Variants in PIK3R3 observed in about 807,000 individuals in gnomAD.
PIK3R3 encodes the protein phosphoinositide-3-kinase regulatory subunit 3, also known as phosphatidylinositol 3-kinase regulatory subunit gamma.
In PIK3R3, 64 loss-of-function variants were observed where a neutral mutation model predicts 62.9. The observed-to-expected ratio is 1.02, with a 90% CI of 0.83 to 1.25. The LOEUF (loss-of-function observed/expected upper bound fraction) is 1.25, where lower values mean the gene tolerates loss of function less well. Among genes scored for constraint, PIK3R3 ranks in the 50% most tolerant of loss-of-function variants. The pLI is 0.00. For synonymous variants in PIK3R3, 165 were observed against 189.0 expected, an observed-to-expected ratio of 0.87 and a Z score of 1.04; for missense variants, 614 against 561.6, an observed-to-expected ratio of 1.09 and a Z score of -0.94.
At chr1:46,071,726 T>TAG (rs1484218267) in intron 3 of PIK3R3, among the ~76,000 whole-genome samples, 1 of 43,712 alleles carries the variant, frequency 2.3e-5, no homozygotes, top group Non-Finnish European at 4.3e-5. Flanking sequence ...TATATATATA[T>TAG]ATATAGAGAG....
chr1:46,145,572 A>G, the PIK3R3 span, among the ~76,000 whole-genome samples: 2 of 152,042 alleles, frequency 1.3e-5, no homozygotes, highest in Non-Finnish European at 2.9e-5. Flanking sequence ...CTTTTAACTC[A>G]TCTATTCCCA....
At chr1:46,124,736 C>A (rs1654945393) in intron 1 of PIK3R3, among the ~76,000 whole-genome samples, 1 of 140,468 alleles carries the variant, frequency 7.1e-6, no homozygotes, top group Non-Finnish European at 1.5e-5. Flanking sequence ...GCGGAGGTTG[C>A]GGTGAGCCGA....
the PIK3R3 span, among the ~76,000 whole-genome samples, chr1:46,164,122 G>T: frequency 1.3e-5 from 2 of 152,168 alleles, no homozygotes; most frequent in South Asian, 2.1e-4. Flanking sequence ...TAACAGGTAG[G>T]AGGATTACAG....
intron 1 of PIK3R3, among the ~76,000 whole-genome samples, chr1:46,117,558 C>A (rs915913032): frequency 6.6e-6 from 1 of 152,116 alleles, no homozygotes; most frequent in African/African-American, 2.4e-5. Context: ...AACTGGATGT[C>A]AGAGATCTGA....
At chr1:46,166,704 G>A in the PIK3R3 span, among the ~76,000 whole-genome samples, 75 of 152,292 alleles carry the variant, frequency 4.9e-4, 1 homozygote, top group Middle Eastern at 0.034. Context: ...TTCCTTGCGA[G>A]GGTACCTCGA....
At chr1:46,147,034 C>T in the PIK3R3 span, among the ~76,000 whole-genome samples, 1 of 152,192 alleles carries the variant, frequency 6.6e-6, no homozygotes, top group East Asian at 1.9e-4. Context: ...GGTAATCTAG[C>T]ACCTGACACT....
chr1:46,129,564 G>C (rs147787175), intron 1 of PIK3R3, among the ~76,000 whole-genome samples: 2 of 152,216 alleles, frequency 1.3e-5, no homozygotes, highest in African/African-American at 4.8e-5. Context: ...AGAAATGGGA[G>C]AGCAGTTAGT....
chr1:46,088,875 A>AG (rs1354589073), intron 1 of PIK3R3, among the ~76,000 whole-genome samples: 1 of 150,386 alleles, frequency 6.6e-6, no homozygotes, highest in African/African-American at 2.5e-5. Context: ...ATCTATCACA[A>AG]GGGGAAAAAA....
the PIK3R3 span, among the ~76,000 whole-genome samples, chr1:46,153,538 A>C: frequency 6.6e-6 from 1 of 152,340 alleles, no homozygotes; most frequent in East Asian, 1.9e-4. Context: ...TGGGGCTGAA[A>C]TCTGCCTCCT....
At chr1:46,128,489 T>C (rs1655286951) in intron 1 of PIK3R3, among the ~76,000 whole-genome samples, 1 of 152,118 alleles carries the variant, frequency 6.6e-6, no homozygotes. Context: ...CCATTACAGT[T>C]AAGGGCCCTA....
Position 46,070,038 on chromosome 1 carries a change from C to T in PIK3R3, c.315-2947G>A, listed in dbSNP as rs76474668. On this transcript the variant is annotated intron_variant, in intron 3 of 9. Transcript: ENST00000262741. Reference sequence around the variant, plus strand: ...AGAAAATGAAAGAAGATAGAAATGCCCATAGACAAGTGTCTCGAGGAACAC... The same window carrying T: ...AGAAAATGAAAGAAGATAGAAATGCTCATAGACAAGTGTCTCGAGGAACAC... Among the ~76,000 whole-genome samples, 83 of 152,096 alleles carry T rather than the reference C, an allele frequency of 5.5e-4. No homozygotes were observed. In the East Asian group the frequency reaches 0.013, roughly 24 times the overall value.
rs1649079988 is a variant in PIK3R3 at position 46,067,151 on chromosome 1, C to T, written c.315-60G>A. The T allele has an allele frequency of 6.2e-6, 8 of 1,283,224 alleles. No individual in the cohort carries two copies. The South Asian group carries it at 8.9e-5, about 14-fold the overall frequency. The allele number at this position is 1,283,224 out of a possible 1,614,324, so 79.5% of individuals were successfully genotyped here. Reference sequence around the variant, plus strand: ...TCCCCCAAATTCAACTGAACTACTGCTTTCATATGGAGACGTGAAAGCTTG... The same window carrying T: ...TCCCCCAAATTCAACTGAACTACTGTTTTCATATGGAGACGTGAAAGCTTG... On this transcript the variant is annotated intron_variant, in intron 3 of 9. Transcript: ENST00000262741.
chr1:46,060,752 A>G (rs1373813873), intron 6 of PIK3R3, among the ~76,000 whole-genome samples: 1 of 152,220 alleles, frequency 6.6e-6, no homozygotes, highest in Non-Finnish European at 1.5e-5. Flanking sequence ...ACTGTCTCAC[A>G]GCACTTTAAC....
intron 1 of PIK3R3, among the ~76,000 whole-genome samples, chr1:46,115,305 T>C (rs1654091419): frequency 6.6e-6 from 1 of 152,136 alleles, no homozygotes; most frequent in African/African-American, 2.4e-5. Flanking sequence ...CAAATTCCCT[T>C]TGTTTTAACT....
chr1:46,079,163 A>G (rs979544341), intron 2 of PIK3R3, among the ~76,000 whole-genome samples: 1 of 152,190 alleles, frequency 6.6e-6, no homozygotes, highest in Non-Finnish European at 1.5e-5. Context: ...AGAGAAAGGG[A>G]TAGGTAAGTG....
intron 3 of PIK3R3, among the ~76,000 whole-genome samples, chr1:46,073,231 C>T (rs1649710242): frequency 6.6e-6 from 1 of 152,158 alleles, no homozygotes; most frequent in Non-Finnish European, 1.5e-5. Flanking sequence ...TAACCATGTC[C>T]ACCTTGCCTT....
chr1:46,139,005 T>C, the PIK3R3 span: 9 of 152,336 alleles, frequency 5.9e-5, no homozygotes, highest in African/African-American at 1.4e-4. Context: ...TTCTAAATTA[T>C]GTCATGGGTG....
chr1:46,115,804 T>C (rs1488520045), intron 1 of PIK3R3, among the ~76,000 whole-genome samples: 1 of 152,222 alleles, frequency 6.6e-6, no homozygotes, highest in Non-Finnish European at 1.5e-5. Flanking sequence ...GTTGCTATAT[T>C]TGAGTATTCA....
At chr1:46,081,620 C>G (rs1258604801) in intron 1 of PIK3R3, among the ~76,000 whole-genome samples, 2 of 152,166 alleles carry the variant, frequency 1.3e-5, no homozygotes, top group Non-Finnish European at 2.9e-5. Context: ...AGCAATGAAA[C>G]TGGTCCCTGG....
Sources: allele counts gnomAD v4.1 joint callset (sites outside exome capture counted in the v4.1 genomes callset), GRCh38; gene constraint gnomAD v4.1.1; transcripts MANE v1.5; gene names NCBI Gene and HGNC (gene_info 2026-07-23, HGNC 2026-07-21).